CELF5: variants seen among roughly 807,000 people sequenced by gnomAD.
The protein encoded by CELF5 is CUGBP Elav-like family member 5.
CELF5 carries 6 observed loss-of-function variants against 54.9 expected under a neutral mutation model. The observed-to-expected ratio is 0.11, with a 90% CI of 0.06 to 0.22. The LOEUF (loss-of-function observed/expected upper bound fraction) is 0.22, where lower values mean the gene tolerates loss of function less well. CELF5 is among the 10% of genes least tolerant of loss of function. The probability of loss-of-function intolerance (pLI) is 1.00; values close to 1 mark genes in which losing one functional copy is unlikely to be tolerated. For synonymous variants in CELF5, 271 were observed against 290.9 expected (o/e 0.93, Z 0.70); for missense variants, 401 against 678.6 (o/e 0.59, Z 4.54).
intron 1 of CELF5, among the ~76,000 whole-genome samples, chr19:3,244,651 G>A (rs2079538219): frequency 6.8e-6 from 1 of 146,458 alleles, no homozygotes; most frequent in Non-Finnish European, 1.5e-5. Context: ...GTATGTATCT[G>A]TGTGCATAGT....
intron 1 of CELF5, among the ~76,000 whole-genome samples, chr19:3,239,184 C>T (rs536374679): frequency 6.6e-6 from 1 of 152,140 alleles, no homozygotes; most frequent in Non-Finnish European, 1.5e-5. Context: ...GCTGCAGCCT[C>T]GACCTCCCAG....
chr19:3,248,437 T>G (rs561748974), intron 1 of CELF5, among the ~76,000 whole-genome samples: 1 of 152,064 alleles, frequency 6.6e-6, no homozygotes, highest in South Asian at 2.1e-4. Flanking sequence ...GTGAATCTGA[T>G]GGCTCTGTGG....
intron 1 of CELF5, among the ~76,000 whole-genome samples, chr19:3,245,123 G>C (rs887392900): frequency 1.3e-5 from 2 of 150,076 alleles, no homozygotes; most frequent in African/African-American, 4.9e-5. Flanking sequence ...GTGCATGTGT[G>C]TGTGTAGTGT....
In CELF5 at chr19:3,228,817, C is replaced by T. The variant is rs312062; in HGVS notation, c.259+3819C>T. On this transcript the variant is annotated intron_variant, in intron 1 of 12. Transcript: ENST00000292672. This position sits in a 1 kb window ranked among gnomAD's most constrained non-coding sequence, Gnocchi z 6.0. ...GGGGGACCGCGGGAGCAGTTGGCAC[C>T]CCTGGTGGTGGCGGGGACAGCGGCA... Among the ~76,000 whole-genome samples the T allele has an allele frequency of 0.02, 2,963 of 150,840 alleles. 58 individuals are homozygous for T. The highest frequency in any genetic ancestry group is 0.049 in the African/African-American group (2,019 of 40,820).
chr19:3,239,810 A>T (rs1437053268), intron 1 of CELF5, among the ~76,000 whole-genome samples: 10 of 151,110 alleles, frequency 6.6e-5, no homozygotes, highest in African/African-American at 2.4e-4. Context: ...ACTGGCCTCC[A>T]GTCTTCTGTC....
At chr19:3,225,149 C>T (rs1328785956) in intron 1 of CELF5, 151 bp downstream of exon 1, 1 of 461,100 alleles carries the variant, frequency 2.2e-6, no homozygotes, top group African/African-American at 2.8e-5. Flanking sequence ...CCCTCCCTCC[C>T]ACCCACCCCT....
rs1423373612 is a variant in CELF5, at chr19:3,224,723, T to G, written c.-17T>G. The G allele has an allele frequency of 1.8e-6, 2 of 1,111,866 alleles. No individual in the cohort carries two copies. Among genetic ancestry groups the G allele is most frequent in the Non-Finnish European group, 2.2e-6 (2 of 904,992 alleles). 68.9% of individuals were successfully genotyped at this position (1,111,866 alleles called of 1,614,324 possible). ...GCCGCCCGCCGCCGCCGCCGCCGGC[T>G]CGGTCCCGCGCCCGCCATGGCCCGC... On this transcript the variant is annotated 5_prime_UTR_variant, in exon 1 of 13. Transcript: ENST00000292672.
intron 1 of CELF5, chr19:3,225,693 G>T: frequency 1.5e-6 from 1 of 665,910 alleles, no homozygotes; most frequent in Non-Finnish European, 1.9e-6. Context: ...TCGGGTGGCG[G>T]AGAGGCTCCC....
At chr19:3,260,928 C>A (rs2079800251) in intron 2 of CELF5, among the ~76,000 whole-genome samples, 1 of 151,662 alleles carries the variant, frequency 6.6e-6, no homozygotes, top group African/African-American at 2.4e-5. Context: ...GGCCACCTGG[C>A]TAATTTTTAA....
At chr19:3,269,170 G>C (rs1250157757) in intron 2 of CELF5, among the ~76,000 whole-genome samples, 10 of 152,042 alleles carry the variant, frequency 6.6e-5, no homozygotes, top group Non-Finnish European at 1.3e-4. Context: ...ACCCATCTGG[G>C]GCTTCCACTA....
At chr19:3,240,438 G>A (rs924511737) in intron 1 of CELF5, among the ~76,000 whole-genome samples, 6 of 150,660 alleles carry the variant, frequency 4.0e-5, no homozygotes, top group Admixed American at 6.6e-5. Flanking sequence ...AGTCATTCTT[G>A]TGCCTCAGCC....
At chr19:3,273,777 G>A in intron 2 of CELF5, 95 bp from the exon 3 acceptor site, 1 of 848,538 alleles carries the variant, frequency 1.2e-6, no homozygotes, top group South Asian at 1.5e-5. Flanking sequence ...GTGGTGGGAG[G>A]TGGGCAGGGC....
intron 1 of CELF5, among the ~76,000 whole-genome samples, chr19:3,244,525 C>G (rs1008438235): frequency 7.4e-6 from 1 of 135,788 alleles, no homozygotes; most frequent in Non-Finnish European, 1.5e-5. Flanking sequence ...TGCGTCTTGT[C>G]TGCGTGTGTG....
chr19:3,245,401 CGTGT>C (rs749132382), intron 1 of CELF5, among the ~76,000 whole-genome samples: 1 of 140,902 alleles, frequency 7.1e-6, no homozygotes, highest in African/African-American at 2.6e-5. Context: ...TGTGTGTGTG[CGTGT>C]GTGTGTGGTG....
intron 1 of CELF5, among the ~76,000 whole-genome samples, chr19:3,227,125 C>G (rs1916970444): frequency 6.6e-6 from 1 of 152,128 alleles, no homozygotes; most frequent in Admixed American, 6.5e-5. Context: ...CCAGTACCCT[C>G]GGGGAAGTGA....
chr19:3,286,807 G>A (rs2145294232), intron 10 of CELF5: 1 of 151,440 alleles, frequency 6.6e-6, no homozygotes, highest in African/African-American at 2.4e-5. Context: ...GGCCGAGGCG[G>A]GCGGATCACA....
chr19:3,277,840 A>G (rs1384268163), intron 4 of CELF5, among the ~76,000 whole-genome samples, 191 bp from the exon 5 acceptor site: 1 of 150,920 alleles, frequency 6.6e-6, no homozygotes, highest in Non-Finnish European at 1.5e-5. Flanking sequence ...CTCCATTCTG[A>G]CCCTTGATCT....
chr19:3,286,693 C>G (rs2080253539), intron 10 of CELF5: 1 of 136,936 alleles, frequency 7.3e-6, no homozygotes, highest in Non-Finnish European at 1.5e-5. Context: ...TATCTCCCCA[C>G]TGGACTCCAG....
intron 1 of CELF5, among the ~76,000 whole-genome samples, chr19:3,235,553 A>AACGT (rs1917517906): frequency 6.0e-4 from 2 of 3,338 alleles, no homozygotes; most frequent in African/African-American, 2.5e-3. Context: ...TGGGTGGATG[A>AACGT]GTGGATGGGT....
Sources: allele counts gnomAD v4.1 joint callset (sites outside exome capture counted in the v4.1 genomes callset), GRCh38; gene constraint gnomAD v4.1.1; non-coding constraint Gnocchi (gnomAD v3.1); transcripts MANE v1.5; gene names NCBI Gene and HGNC (gene_info 2026-07-23, HGNC 2026-07-21).